TMEM132D: variants seen among roughly 807,000 people sequenced by gnomAD.
TMEM132D encodes mature OL transmembrane protein.
In TMEM132D, 21 loss-of-function variants were observed where a neutral mutation model predicts 62.3. The observed-to-expected ratio is 0.34, with a 90% CI of 0.24 to 0.49. TMEM132D has a LOEUF of 0.49. Ranked by LOEUF, TMEM132D falls within the 20% of genes least tolerant of loss-of-function variation. The pLI is 0.99. For synonymous variants in TMEM132D, 621 were observed against 575.6 expected (o/e 1.08, Z -1.13); for missense variants, 1,346 against 1,402.8 (o/e 0.96, Z 0.65).
At chr12:129,642,437 T>A (rs1879663827) in intron 2 of TMEM132D, among the ~76,000 whole-genome samples, 1 of 152,136 alleles carries the variant, frequency 6.6e-6, no homozygotes, top group African/African-American at 2.4e-5. Flanking sequence ...AGTGGCCAGA[T>A]CAACCAGTAA....
At chr12:129,335,021 C>T (rs1042679412) in intron 4 of TMEM132D, among the ~76,000 whole-genome samples, 1 of 151,906 alleles carries the variant, frequency 6.6e-6, no homozygotes, top group Admixed American at 6.6e-5. Flanking sequence ...AAATTTATAA[C>T]ATTATTGCCA....
At chr12:129,233,233 T>C (rs912049440) in intron 4 of TMEM132D, among the ~76,000 whole-genome samples, 2 of 152,234 alleles carry the variant, frequency 1.3e-5, no homozygotes, top group African/African-American at 4.8e-5. Context: ...CCTGTGTGTC[T>C]CCAGCAGCTG....
rs137940391 is a variant in TMEM132D at position 129,460,558 on chromosome 12, T to C, written c.1115+70501A>G. On this transcript the variant is annotated intron_variant, in intron 3 of 8. Coordinates refer to ENST00000422113, the MANE Select transcript of TMEM132D (RefSeq NM_133448.3). ...GAGATGGCATCATAATTAGCACATG[T>C]GGCATGAGACTGCAGTAGATTAAAT... Among the ~76,000 whole-genome samples the C allele has an allele frequency of 3.3e-3, 497 of 152,300 alleles. 13 individuals are homozygous for C. Among genetic ancestry groups the C allele is most frequent in the Admixed American group, 0.028 (430 of 15,280 alleles).
rs532565076 is a variant in TMEM132D, at chr12:129,803,782, T to C, written c.79+99479A>G. Among the ~76,000 whole-genome samples the C allele has an allele frequency of 8.2e-3, 1,249 of 151,544 alleles. 7 individuals are homozygous for C. Among genetic ancestry groups the C allele is most frequent in the Non-Finnish European group, 0.013 (855 of 67,908 alleles). The stretch of plus-strand genomic sequence containing the variant: ...TTTTTGAAAGGATCAACAAAATAGA[T>C]AGACCGCTAGCAAGACTAATAAAGA... On this transcript the variant is annotated intron_variant, in intron 1 of 8. Coordinates refer to ENST00000422113, the MANE Select transcript of TMEM132D (RefSeq NM_133448.3).
At chr12:129,806,754 G>A (rs61942084) in intron 1 of TMEM132D, among the ~76,000 whole-genome samples, 6 of 152,064 alleles carry the variant, frequency 3.9e-5, no homozygotes, top group African/African-American at 7.2e-5. Context: ...GGCCAGGCAC[G>A]GTGGTTCAGG....
chr12:129,613,227 T>A (rs573988561), intron 2 of TMEM132D, among the ~76,000 whole-genome samples: 2 of 152,286 alleles, frequency 1.3e-5, no homozygotes, highest in South Asian at 2.1e-4. Flanking sequence ...GGTTTTTTTT[T>A]AGAAAGCACC....
At chr12:129,509,319 A>G (rs1007815481) in intron 3 of TMEM132D, among the ~76,000 whole-genome samples, 2 of 152,192 alleles carry the variant, frequency 1.3e-5, no homozygotes, top group African/African-American at 4.8e-5. Flanking sequence ...TTTACAAATA[A>G]TAAGTGCACA....
chr12:129,789,473 C>T (rs1040729997), intron 1 of TMEM132D, among the ~76,000 whole-genome samples: 2 of 152,164 alleles, frequency 1.3e-5, no homozygotes, highest in Non-Finnish European at 2.9e-5. Flanking sequence ...ATGGAACCAA[C>T]CCAAATGACC....
chr12:129,363,564 TA>T (rs146582943), intron 3 of TMEM132D, among the ~76,000 whole-genome samples: 1 of 151,966 alleles, frequency 6.6e-6, no homozygotes, highest in Non-Finnish European at 1.5e-5. Flanking sequence ...TCTTTTGTGG[TA>T]AAAAAAATAA....
At chr12:129,859,324 GC>G (rs1356830833) in intron 1 of TMEM132D, among the ~76,000 whole-genome samples, 2 of 152,268 alleles carry the variant, frequency 1.3e-5, no homozygotes, top group African/African-American at 4.8e-5. Context: ...TTGCAGCTTT[GC>G]CATTAAACGT....
chr12:129,839,640 G>T (rs1873121255), intron 1 of TMEM132D, among the ~76,000 whole-genome samples: 1 of 152,146 alleles, frequency 6.6e-6, no homozygotes, highest in Admixed American at 6.5e-5. Flanking sequence ...CTTAAAAAAA[G>T]ACTGAGCATA....
intron 2 of TMEM132D, among the ~76,000 whole-genome samples, chr12:129,579,322 G>C (rs907286866): frequency 3.3e-5 from 5 of 152,068 alleles, no homozygotes; most frequent in Admixed American, 6.6e-5. Flanking sequence ...TATTAGTCAG[G>C]GTTCTCTACA....
At chr12:129,507,841 C>T (rs2137071866) in intron 3 of TMEM132D, among the ~76,000 whole-genome samples, 2 of 152,232 alleles carry the variant, frequency 1.3e-5, no homozygotes, top group Middle Eastern at 6.8e-3. Flanking sequence ...ACCACCTGTT[C>T]CCCAATAACC....
intron 3 of TMEM132D, among the ~76,000 whole-genome samples, chr12:129,341,365 G>T (rs1869476016): frequency 6.6e-6 from 1 of 152,342 alleles, no homozygotes; most frequent in South Asian, 2.1e-4. Context: ...TCTGGTTAAA[G>T]CAGTGATTTT....
chr12:129,561,729 A>G (rs1877239759), intron 2 of TMEM132D, among the ~76,000 whole-genome samples: 1 of 152,248 alleles, frequency 6.6e-6, no homozygotes, highest in Admixed American at 6.5e-5. Context: ...TCTCTGCCCA[A>G]TTAACATTTC....
chr12:129,269,451 T>C (rs1447575010), intron 4 of TMEM132D, among the ~76,000 whole-genome samples: 1 of 152,036 alleles, frequency 6.6e-6, no homozygotes, highest in Admixed American at 6.6e-5. Context: ...GATTCCTAGT[T>C]ACATGAAAGC....
intron 1 of TMEM132D, among the ~76,000 whole-genome samples, chr12:129,705,015 A>G (rs1881470616): frequency 6.6e-6 from 1 of 152,248 alleles, no homozygotes; most frequent in Non-Finnish European, 1.5e-5. Context: ...TTCAGATGCA[A>G]TAACACAGAT....
chr12:129,184,926 C>T (rs982090237), intron 5 of TMEM132D, among the ~76,000 whole-genome samples: 2 of 152,150 alleles, frequency 1.3e-5, no homozygotes, highest in Non-Finnish European at 2.9e-5. Flanking sequence ...ATCATGACCC[C>T]AGCTGCCCCA....
chr12:129,639,880 T>C (rs1879598057), intron 2 of TMEM132D, among the ~76,000 whole-genome samples: 1 of 152,156 alleles, frequency 6.6e-6, no homozygotes, highest in Non-Finnish European at 1.5e-5. Flanking sequence ...TTGGGATAAT[T>C]GTGAAACAGA....
Sources: allele counts gnomAD v4.1 joint callset (sites outside exome capture counted in the v4.1 genomes callset), GRCh38; gene constraint gnomAD v4.1.1; transcripts MANE v1.5; gene names NCBI Gene and HGNC (gene_info 2026-07-23, HGNC 2026-07-21).